Variants in SLC35F1 observed in about 807,000 individuals in gnomAD.
SLC35F1 encodes solute carrier family 35 member F1.
Under a neutral mutation model 48.7 loss-of-function variants are expected in SLC35F1, and 14 were observed. The ratio of observed to expected loss-of-function variants is 0.29; its 90% confidence interval spans 0.19 to 0.45. The LOEUF (loss-of-function observed/expected upper bound fraction) is 0.45. Ranked by LOEUF, SLC35F1 falls within the 20% of genes least tolerant of loss-of-function variation. SLC35F1 has a pLI of 1.00. For missense variants in SLC35F1, 404 were observed against 500.0 expected (o/e 0.81, Z 1.83); for synonymous variants, 190 against 202.2 (o/e 0.94, Z 0.51).
chr6:118,233,413 T>C (rs1775321508), intron 2 of SLC35F1, among the ~76,000 whole-genome samples: 1 of 152,210 alleles, frequency 6.6e-6, no homozygotes. Flanking sequence ...ACTGCCAAAA[T>C]GATCTGGCGG....
intron 2 of SLC35F1, among the ~76,000 whole-genome samples, chr6:118,220,073 C>A (rs778034414): frequency 6.6e-6 from 1 of 151,762 alleles, no homozygotes; most frequent in Non-Finnish European, 1.5e-5. Flanking sequence ...ATGTAAATGA[C>A]GAGTAATGGG....
chr6:118,120,409 T>C (rs1773537586), intron 1 of SLC35F1, among the ~76,000 whole-genome samples: 1 of 152,204 alleles, frequency 6.6e-6, no homozygotes, highest in Non-Finnish European at 1.5e-5. Context: ...GAAATACATG[T>C]TGATGCATGC....
intron 1 of SLC35F1, among the ~76,000 whole-genome samples, chr6:117,921,788 T>C (rs958380284): frequency 1.3e-5 from 2 of 152,162 alleles, no homozygotes; most frequent in African/African-American, 2.4e-5. Context: ...TCCACAATGA[T>C]GGAAGAAAAA....
chr6:118,001,308 T>C (rs563787169), intron 1 of SLC35F1, among the ~76,000 whole-genome samples: 122 of 152,202 alleles, frequency 8.0e-4, no homozygotes, highest in African/African-American at 2.7e-3. Context: ...TATCTACAAC[T>C]ATCTGATCTT....
At chr6:118,308,127 G>A (rs1776333777) in intron 7 of SLC35F1, among the ~76,000 whole-genome samples, 1 of 152,140 alleles carries the variant, frequency 6.6e-6, no homozygotes, top group Non-Finnish European at 1.5e-5. Context: ...CTTAATTCAC[G>A]TTACTTTCAT....
At chr6:118,011,778 G>A (rs1777250509) in intron 1 of SLC35F1, among the ~76,000 whole-genome samples, 1 of 152,154 alleles carries the variant, frequency 6.6e-6, no homozygotes. Flanking sequence ...GGATTGAGGA[G>A]CCCTACAGTA....
intron 6 of SLC35F1, 123 bp from the exon 7 acceptor site, chr6:118,285,061 A>G (rs1776032971): frequency 1.0e-6 from 1 of 995,756 alleles, no homozygotes; most frequent in Middle Eastern, 3.4e-4. Flanking sequence ...TGAATAGGGG[A>G]AAAGAGAAAC....
chr6:118,066,200 C>T (rs1174233988), intron 1 of SLC35F1, among the ~76,000 whole-genome samples: 1 of 152,042 alleles, frequency 6.6e-6, no homozygotes, highest in Non-Finnish European at 1.5e-5. Flanking sequence ...TGGCTTATTT[C>T]TAATATTTAA....
At chr6:118,212,732 AAGG>A (rs1426567903) in intron 2 of SLC35F1, among the ~76,000 whole-genome samples, 937 of 31,340 alleles carry the variant, frequency 0.03, 19 homozygotes, top group Non-Finnish European at 0.037. Context: ...GAAGGAAAGG[AAGG>A]AAGGAAGGAA....
chr6:118,103,709 G>T (rs1237808481), intron 1 of SLC35F1, among the ~76,000 whole-genome samples: 1 of 152,204 alleles, frequency 6.6e-6, no homozygotes, highest in Admixed American at 6.5e-5. Flanking sequence ...CCCCTTGCAG[G>T]AAAGAGCGGA....
chr6:118,268,446 T>G (rs1775804700), intron 4 of SLC35F1, among the ~76,000 whole-genome samples: 1 of 151,892 alleles, frequency 6.6e-6, no homozygotes, highest in Non-Finnish European at 1.5e-5. Context: ...TTCCATGACA[T>G]ATTGATAGAC....
intron 1 of SLC35F1, among the ~76,000 whole-genome samples, chr6:118,026,778 T>C (rs1220513512): frequency 6.6e-6 from 1 of 152,200 alleles, no homozygotes; most frequent in Non-Finnish European, 1.5e-5. Flanking sequence ...TTTTTTCTGG[T>C]TTTTAAAAAG....
intron 1 of SLC35F1, among the ~76,000 whole-genome samples, chr6:117,921,701 C>G (rs1030118201): frequency 5.3e-5 from 8 of 152,164 alleles, no homozygotes; most frequent in African/African-American, 1.9e-4. Context: ...TAAATGAACT[C>G]ATTTGTGTCC....
chr6:118,308,429 C>T (rs1257754950), intron 7 of SLC35F1, among the ~76,000 whole-genome samples: 1 of 152,182 alleles, frequency 6.6e-6, no homozygotes, highest in Non-Finnish European at 1.5e-5. Flanking sequence ...ACCAGTCGCT[C>T]TACATGGAAA....
In SLC35F1 at chr6:118,217,185, T is replaced by A. The variant is rs572752930; in HGVS notation, c.350-18324T>A. Among the ~76,000 whole-genome samples the A allele has an allele frequency of 2.6e-5, 4 of 152,284 alleles. No individual in the cohort carries two copies. In the East Asian group the frequency reaches 7.7e-4, roughly 29 times the overall value. ...AGACTTGAACAGATACTTGCCCCAG[T>A]GTTCATAGCAGCGTTTTATTTGTGA... is the stretch of plus-strand genomic sequence containing the variant. On this transcript the variant is annotated intron_variant, in intron 2 of 7. Transcript: ENST00000360388.
intron 3 of SLC35F1, among the ~76,000 whole-genome samples, chr6:118,239,830 A>T (rs1157146830): frequency 6.6e-6 from 1 of 152,238 alleles, no homozygotes; most frequent in Non-Finnish European, 1.5e-5. Flanking sequence ...ACAGGGAAGT[A>T]AAAAGGCAAG....
chr6:117,908,601 C>G (rs1775726060), intron 1 of SLC35F1, among the ~76,000 whole-genome samples: 1 of 152,220 alleles, frequency 6.6e-6, no homozygotes, highest in Non-Finnish European at 1.5e-5. Context: ...TGCCGATCGC[C>G]GGCGCCTCCA....
chr6:118,312,760 A>G (rs772271383), intron 7 of SLC35F1, among the ~76,000 whole-genome samples: 6 of 152,170 alleles, frequency 3.9e-5, no homozygotes, highest in Non-Finnish European at 8.8e-5. Flanking sequence ...TTATTGAACT[A>G]CAGTTAGAGC....
chr6:118,064,313 T>C (rs761486358), intron 1 of SLC35F1, among the ~76,000 whole-genome samples: 20 of 152,204 alleles, frequency 1.3e-4, no homozygotes, highest in Non-Finnish European at 2.2e-4. Context: ...CCAAACTGTA[T>C]GACAAACTGA....
Sources: gnomAD v4.1 joint callset for allele counts (sites outside exome capture counted in the v4.1 genomes callset) on GRCh38, gnomAD v4.1.1 for gene constraint, MANE v1.5 for transcripts, NCBI Gene and HGNC (gene_info 2026-07-23, HGNC 2026-07-21) for gene names.